Variants in KDM4B observed in about 807,000 individuals in gnomAD.
The protein encoded by KDM4B is lysine-specific demethylase 4B.
KDM4B carries 32 observed loss-of-function variants against 125.2 expected under a neutral mutation model. The observed-to-expected ratio is 0.26, with a 90% CI of 0.19 to 0.34. KDM4B has a LOEUF of 0.34. Among genes scored for constraint, KDM4B ranks in the 10% least tolerant of loss-of-function variants. The probability of loss-of-function intolerance (pLI) is 1.00; values close to 1 mark genes in which losing one functional copy is unlikely to be tolerated. For synonymous variants in KDM4B, 721 were observed against 677.9 expected (o/e 1.06, Z -0.99); for missense variants, 1,190 against 1,577.7 (o/e 0.75, Z 4.16).
At chr19:5,139,826 G>A (rs2039710089) in intron 18 of KDM4B, among the ~76,000 whole-genome samples, 1 of 152,232 alleles carries the variant, frequency 6.6e-6, no homozygotes, top group Non-Finnish European at 1.5e-5. Flanking sequence ...TGCACATTGA[G>A]GCCCCCCGTA....
rs1211919915 is a variant in KDM4B at position 5,119,241 on chromosome 19, T to C, written c.1116-412T>C. On this transcript the variant is annotated intron_variant, in intron 10 of 22. Coordinates refer to ENST00000159111, the MANE Select transcript of KDM4B (RefSeq NM_015015.3). ...TGTCGTAAGTGTCTTTTTCGTTCCG[T>C]TTGTCGTCTAGGCATTTTCCATGAG... 15 of 1,458,178 alleles carry C rather than the reference T, an allele frequency of 1.0e-5. No individual in the cohort carries two copies. The East Asian group carries it at 3.2e-4, about 31-fold the overall frequency. 90.3% of individuals were successfully genotyped at this position (1,458,178 alleles called of 1,614,324 possible).
At chr19:5,145,949 A>G (rs2620833) in intron 21 of KDM4B, among the ~76,000 whole-genome samples, 96,177 of 152,134 alleles carry the variant, frequency 0.63, 30,611 homozygotes, top group East Asian at 0.72. Flanking sequence ...CCGAGGCCGC[A>G]TTAAGGAAAG....
At chr19:4,977,583 C>T (rs1224027587) in intron 1 of KDM4B, among the ~76,000 whole-genome samples, 1 of 152,204 alleles carries the variant, frequency 6.6e-6, no homozygotes, top group African/African-American at 2.4e-5. Flanking sequence ...CCCTAGTCTC[C>T]AGGGAGAGAG....
chr19:5,046,582 T>C (rs2037033564), intron 5 of KDM4B, among the ~76,000 whole-genome samples: 3 of 152,216 alleles, frequency 2.0e-5, no homozygotes. Context: ...CATGAGCCTC[T>C]CCGGGGACTG....
At chr19:5,104,129 C>A (rs888693520) in intron 9 of KDM4B, among the ~76,000 whole-genome samples, 1 of 152,178 alleles carries the variant, frequency 6.6e-6, no homozygotes, top group African/African-American at 2.4e-5. Flanking sequence ...GCCAATGAGT[C>A]CCGCTGGCAG....
At chr19:4,994,438 C>G (rs2035134861) in intron 1 of KDM4B, among the ~76,000 whole-genome samples, 1 of 151,868 alleles carries the variant, frequency 6.6e-6, no homozygotes, top group African/African-American at 2.4e-5. Flanking sequence ...TGGCGCATGC[C>G]TGTAGTCCCA....
intron 5 of KDM4B, among the ~76,000 whole-genome samples, chr19:5,045,200 G>A (rs905185210): frequency 2.0e-5 from 3 of 152,220 alleles, no homozygotes; most frequent in South Asian, 2.1e-4. Flanking sequence ...CCGCTTCCCC[G>A]CCCCCATCTG....
At chr19:5,062,568 C>T (rs1034457406) in intron 6 of KDM4B, among the ~76,000 whole-genome samples, 3 of 152,192 alleles carry the variant, frequency 2.0e-5, no homozygotes, top group Admixed American at 1.3e-4. Context: ...ATTCCTGCTC[C>T]ACCCTAGACG....
intron 13 of KDM4B, among the ~76,000 whole-genome samples, 199 bp downstream of exon 13, chr19:5,132,206 T>TA (rs2039570671): frequency 6.6e-6 from 1 of 152,178 alleles, no homozygotes; most frequent in Non-Finnish European, 1.5e-5. Flanking sequence ...CAGCTGCTGT[T>TA]AGAGATGCTC....
intron 9 of KDM4B, among the ~76,000 whole-genome samples, chr19:5,087,714 C>A (rs994268339): frequency 1.3e-5 from 2 of 152,170 alleles, no homozygotes; most frequent in African/African-American, 2.4e-5. Context: ...GCCACTTTTT[C>A]CCAACTTAAG....
chr19:5,071,209 A>AT lies in KDM4B; in HGVS notation c.676+156dup, dbSNP rs1188354719. On this transcript the variant is annotated intron_variant, in intron 7 of 22. Transcript: ENST00000159111. Reference sequence around the variant, plus strand: ...ACATTCTTTGAGCCATTACTGTGTGATTTTTTCCATTTCCTCCCACCCTCG... The same window carrying AT: ...ACATTCTTTGAGCCATTACTGTGTGATTTTTTTCCATTTCCTCCCACCCTCG... 45 of 674,482 alleles carry AT rather than the reference A, an allele frequency of 6.7e-5. 1 individual carries two copies. Among genetic ancestry groups the AT allele is most frequent in the Middle Eastern group, 4.1e-4 (1 of 2,422 alleles). The allele number at this position is 674,482 out of a possible 1,614,324, so 41.8% of individuals were successfully genotyped here. A position where few individuals can be genotyped will look rare whatever the true frequency, so the allele number is the denominator to read the frequency against.
chr19:4,994,520 G>T (rs1715736537), intron 1 of KDM4B, among the ~76,000 whole-genome samples: 2 of 132,416 alleles, frequency 1.5e-5, no homozygotes, highest in African/African-American at 5.8e-5. Context: ...CCAAGATCAT[G>T]CCATTGCACT....
At position 5,150,360 on chromosome 19, in the gene KDM4B, G is replaced by T. The variant is rs1464762900; in HGVS notation, c.3024G>T (p.Val1008=). The T allele has an allele frequency of 6.4e-7, 1 of 1,551,066 alleles. No individual in the cohort carries two copies. The highest frequency in any genetic ancestry group is 1.2e-5 in the South Asian group (1 of 84,062). ...CTGAGAGCCACATCCCCCTGCAGGT[G>T]GAGTTTGAGGACGGGTCCCAGCTGA... The part of the protein sequence containing the change: ...ISSVTSHIYQ[V]EFEDGSQLTV... Residue 1008 remains valine (V), a splice_region_variant and synonymous_variant, in exon 22 of 23, where the codon GTG becomes GTT. Transcript: ENST00000159111.
intron 1 of KDM4B, among the ~76,000 whole-genome samples, chr19:5,000,672 A>C (rs2035356239): frequency 6.6e-6 from 1 of 152,238 alleles, no homozygotes; most frequent in Admixed American, 6.5e-5. Context: ...TTAAAAGTTT[A>C]CATGGATTAG....
chr19:5,146,407 TC>T (rs1460392318), intron 21 of KDM4B, among the ~76,000 whole-genome samples: 1 of 152,234 alleles, frequency 6.6e-6, no homozygotes, highest in South Asian at 2.1e-4. Flanking sequence ...GGACAAGCCA[TC>T]CCCATGGCCA....
Position 5,039,925 on chromosome 19 carries a change from G to C in KDM4B, c.231G>C (p.Thr77=). The part of the protein sequence containing the change: ...VIPAPIQQVV[T]GQSGLFTQYN... Reference sequence around the variant, plus strand: ...CGGCGCCCATCCAGCAGGTGGTGACGGGCCAGTCGGGCCTCTTCACGCAGT... The same window carrying C: ...CGGCGCCCATCCAGCAGGTGGTGACCGGCCAGTCGGGCCTCTTCACGCAGT... Residue 77 remains threonine (T), a synonymous_variant, in exon 4 of 23, where the codon ACG becomes ACC. Transcript: ENST00000159111. 6.2e-7 allele frequency: 1 copy of C among 1,613,010 alleles called. No homozygotes were observed. The highest frequency in any genetic ancestry group is 8.5e-7 in the Non-Finnish European group (1 of 1,179,932).
rs1013015552 is a variant in KDM4B, at chr19:5,143,852, G to A, written c.2551-115G>A. The A allele has an allele frequency of 3.6e-5, 30 of 834,400 alleles. No homozygotes were observed. The African/African-American group carries it at 4.6e-4, about 13-fold the overall frequency. The allele number at this position is 834,400 out of a possible 1,614,324, so 51.7% of individuals were successfully genotyped here. A position where few individuals can be genotyped will look rare whatever the true frequency, so the allele number is the denominator to read the frequency against. The stretch of plus-strand genomic sequence containing the variant: ...GGGAACCCTCACTGGGCAGAGCGCA[G>A]GGCCACTCCCGCGATGCCTCCCTTG... On this transcript the variant is annotated intron_variant, in intron 18 of 22. Transcript: ENST00000159111.
rs893719531 is a variant in KDM4B at position 4,996,999 on chromosome 19, G to C, written c.-108-19258G>C. Among the ~76,000 whole-genome samples, 8 of 152,168 alleles carry C rather than the reference G, an allele frequency of 5.3e-5. No individual in the cohort carries two copies. In the East Asian group the frequency reaches 9.7e-4, roughly 18 times the overall value. ...CCAGACCTCCCAGTGTTCCCTGTGG[G>C]CACAGCTGCATGGTTGGGCAGTGTG... On this transcript the variant is annotated intron_variant, in intron 1 of 22. Transcript: ENST00000159111.
intron 9 of KDM4B, among the ~76,000 whole-genome samples, chr19:5,089,710 A>C (rs1290317297): frequency 6.6e-6 from 1 of 151,926 alleles, no homozygotes; most frequent in Non-Finnish European, 1.5e-5. Context: ...TAAAAAAAAA[A>C]AAACCCACAT....
Sources: allele counts gnomAD v4.1 joint callset (sites outside exome capture counted in the v4.1 genomes callset), GRCh38; gene constraint gnomAD v4.1.1; transcripts MANE v1.5; gene names NCBI Gene and HGNC (gene_info 2026-07-23, HGNC 2026-07-21).